RNLS: variants seen among roughly 807,000 people sequenced by gnomAD.
RNLS encodes renalase, FAD dependent amine oxidase, also known as renalase.
RNLS carries 39 observed loss-of-function variants against 39.8 expected under a neutral mutation model. The observed-to-expected ratio is 0.98, with a 90% confidence interval of 0.76 to 1.28. The LOEUF (loss-of-function observed/expected upper bound fraction) is 1.28, where lower values mean the gene tolerates loss of function less well. Among genes scored for constraint, RNLS ranks in the 50% most tolerant of loss-of-function variants. RNLS has a pLI of 0.00. For synonymous variants in RNLS, 147 were observed against 150.7 expected (o/e 0.98, Z 0.18); for missense variants, 410 against 413.3 (o/e 0.99, Z 0.07).
At chr10:88,375,966 T>C (rs143105808) in intron 4 of RNLS, among the ~76,000 whole-genome samples, 455 of 151,956 alleles carry the variant, frequency 3.0e-3, no homozygotes, top group Non-Finnish European at 4.6e-3. Context: ...GGGGAGACAA[T>C]GTATGGTGAA....
chr10:88,498,914 G>T (rs1312160265), intron 4 of RNLS, among the ~76,000 whole-genome samples: 2 of 152,046 alleles, frequency 1.3e-5, no homozygotes, highest in Non-Finnish European at 2.9e-5. Flanking sequence ...TATCTGGAAA[G>T]AACAAACTAA....
chr10:88,533,473 A>G (rs1330124161), intron 4 of RNLS, among the ~76,000 whole-genome samples: 2 of 152,210 alleles, frequency 1.3e-5, no homozygotes, highest in Non-Finnish European at 2.9e-5. Context: ...CTTAAAGGTC[A>G]GTTGAAATCA....
chr10:88,392,805 T>G (rs139524728), intron 4 of RNLS, among the ~76,000 whole-genome samples: 11 of 152,254 alleles, frequency 7.2e-5, no homozygotes, highest in Admixed American at 1.3e-4. Flanking sequence ...CAATATAAAC[T>G]GTCTCTCAGG....
At chr10:88,507,244 G>A (rs1273163630) in intron 4 of RNLS, among the ~76,000 whole-genome samples, 1 of 151,714 alleles carries the variant, frequency 6.6e-6, no homozygotes, top group Non-Finnish European at 1.5e-5. Context: ...TCATCTGAGG[G>A]CACCTGTCCC....
chr10:88,241,227 T>C, the RNLS span, among the ~76,000 whole-genome samples: 2 of 151,370 alleles, frequency 1.3e-5, no homozygotes, highest in East Asian at 3.9e-4. Context: ...TTAGGGGTTA[T>C]TATTTCTCCC....
At chr10:88,230,631 CA>C in the RNLS span, among the ~76,000 whole-genome samples, 2 of 152,224 alleles carry the variant, frequency 1.3e-5, no homozygotes, top group Non-Finnish European at 2.9e-5. Flanking sequence ...ATTCATTACT[CA>C]CACAAATAAG....
chr10:88,174,102 A>G, the RNLS span, among the ~76,000 whole-genome samples: 1 of 151,742 alleles, frequency 6.6e-6, no homozygotes, highest in Non-Finnish European at 1.5e-5. Context: ...TTGATTTTGT[A>G]TCTTGCAACT....
intron 5 of RNLS, among the ~76,000 whole-genome samples, chr10:88,352,344 A>T (rs977130547): frequency 6.6e-6 from 1 of 152,196 alleles, no homozygotes; most frequent in African/African-American, 2.4e-5. Flanking sequence ...GTTTGTCATA[A>T]ATAGCTCTTA....
chr10:88,379,232 A>ATT (rs1170520081), intron 4 of RNLS, among the ~76,000 whole-genome samples: 3 of 152,242 alleles, frequency 2.0e-5, no homozygotes, highest in Non-Finnish European at 4.4e-5. Flanking sequence ...AGTGAATTAA[A>ATT]TTAATAACAG....
At chr10:88,375,970 T>C (rs1850960409) in intron 4 of RNLS, among the ~76,000 whole-genome samples, 3 of 152,108 alleles carry the variant, frequency 2.0e-5, no homozygotes, top group Admixed American at 6.6e-5. Context: ...AGACAATGTA[T>C]GGTGAATAAA....
chr10:88,358,179 AT>A (rs1388591313), intron 5 of RNLS, among the ~76,000 whole-genome samples: 1 of 152,180 alleles, frequency 6.6e-6, no homozygotes, highest in Non-Finnish European at 1.5e-5. Context: ...TTTAACATAA[AT>A]TTTCTCAAAT....
intron 4 of RNLS, among the ~76,000 whole-genome samples, chr10:88,461,484 A>G (rs532409903): frequency 6.6e-6 from 1 of 152,208 alleles, no homozygotes; most frequent in East Asian, 1.9e-4. Context: ...GAACGTTTCT[A>G]TCCTTTGGGA....
chr10:88,265,441 AGTATGGTC>A, the RNLS span, among the ~76,000 whole-genome samples: 1 of 147,170 alleles, frequency 6.8e-6, no homozygotes, highest in Admixed American at 7.0e-5. Flanking sequence ...TGCTTTTGGC[AGTATGGTC>A]ATTTTCACAA....
intron 4 of RNLS, among the ~76,000 whole-genome samples, chr10:88,446,468 G>A (rs1017530352): frequency 6.6e-6 from 1 of 152,104 alleles, no homozygotes; most frequent in Non-Finnish European, 1.5e-5. Flanking sequence ...TAAGATCAGA[G>A]CAGAACTGAA....
At chr10:88,190,390 C>T in the RNLS span, among the ~76,000 whole-genome samples, 1 of 152,136 alleles carries the variant, frequency 6.6e-6, no homozygotes, top group Non-Finnish European at 1.5e-5. Flanking sequence ...CATAAGGACA[C>T]AGACAAACAT....
chr10:88,492,827 G>C (rs966945160), intron 4 of RNLS, among the ~76,000 whole-genome samples: 2 of 152,048 alleles, frequency 1.3e-5, no homozygotes, highest in Non-Finnish European at 2.9e-5. Context: ...GACAATTTAT[G>C]AAAGGTTCCT....
chr10:88,556,622 C>A (rs952090101), intron 4 of RNLS, among the ~76,000 whole-genome samples: 2 of 152,162 alleles, frequency 1.3e-5, no homozygotes, highest in African/African-American at 2.4e-5. Flanking sequence ...CTGTCCCTTT[C>A]ATATACACTG....
At chr10:88,288,215 G>A (rs1490437063) in intron 6 of RNLS, among the ~76,000 whole-genome samples, 1 of 152,130 alleles carries the variant, frequency 6.6e-6, no homozygotes, top group South Asian at 2.1e-4. Context: ...GCAACCCTAT[G>A]AGGTGGTTAC....
intron 1 of RNLS, 122 bp from the exon 2 acceptor site, chr10:88,582,429 T>C (rs1427783267): frequency 5.9e-6 from 4 of 679,250 alleles, no homozygotes; most frequent in South Asian, 2.0e-5. Context: ...CTTTTTTAAG[T>C]TGAAGTATTT....
Sources: allele counts gnomAD v4.1 joint callset (sites outside exome capture counted in the v4.1 genomes callset), GRCh38; gene constraint gnomAD v4.1.1; transcripts MANE v1.5; gene names NCBI Gene and HGNC (gene_info 2026-07-23, HGNC 2026-07-21).